Variants in SLC24A2 observed in about 807,000 individuals in gnomAD.
SLC24A2 encodes sodium/potassium/calcium exchanger 2.
A neutral mutation model predicts 62.0 loss-of-function variants in SLC24A2; 36 were observed. The ratio of observed to expected loss-of-function variants is 0.58; its 90% CI spans 0.44 to 0.77. The LOEUF (loss-of-function observed/expected upper bound fraction) is 0.77, where lower values mean the gene tolerates loss of function less well. Among genes scored for constraint, SLC24A2 ranks in the 30% least tolerant of loss-of-function variants. The pLI is 0.00. For missense variants in SLC24A2, 846 were observed against 817.9 expected, an observed-to-expected ratio of 1.03 and a Z score of -0.42; for synonymous variants, 358 against 294.0, an observed-to-expected ratio of 1.22 and a Z score of -2.23.
At chr9:20,245,412 G>A in the SLC24A2 span, among the ~76,000 whole-genome samples, 1 of 152,318 alleles carries the variant, frequency 6.6e-6, no homozygotes, top group Non-Finnish European at 1.5e-5. Context: ...AAAGAGAGGT[G>A]GAAGTCTATG....
chr9:19,761,400 G>A (rs1408916813), intron 2 of SLC24A2, among the ~76,000 whole-genome samples: 1 of 152,050 alleles, frequency 6.6e-6, no homozygotes, highest in African/African-American at 2.4e-5. Flanking sequence ...TTGCATTTCT[G>A]TAATGACCAG....
intron 2 of SLC24A2, among the ~76,000 whole-genome samples, chr9:19,658,815 A>G (rs1264042335): frequency 3.3e-5 from 5 of 152,122 alleles, no homozygotes; most frequent in Non-Finnish European, 5.9e-5. Context: ...TCTAGATGTA[A>G]AAGGCCAAGG....
the SLC24A2 span, among the ~76,000 whole-genome samples, chr9:19,829,264 A>G: frequency 6.6e-6 from 1 of 152,070 alleles, no homozygotes; most frequent in African/African-American, 2.4e-5. Context: ...TGCACTTGCA[A>G]TGGCCATATG....
chr9:20,029,812 GTGTGTGTGTGTC>G, the SLC24A2 span, among the ~76,000 whole-genome samples: 808 of 152,084 alleles, frequency 5.3e-3, 5 homozygotes, highest in African/African-American at 0.018. Context: ...ATATGGGTAA[GTGTGTGTGTGTC>G]TGTGTGTGTG....
intron 4 of SLC24A2, among the ~76,000 whole-genome samples, chr9:19,601,709 G>C (rs550013292): frequency 6.6e-6 from 1 of 152,128 alleles, no homozygotes; most frequent in East Asian, 1.9e-4. Flanking sequence ...CATGAGGGTT[G>C]CATATATAGT....
the SLC24A2 span, among the ~76,000 whole-genome samples, chr9:20,264,736 CT>C: frequency 6.6e-6 from 1 of 152,206 alleles, no homozygotes; most frequent in African/African-American, 2.4e-5. Flanking sequence ...ATTTGTTTCT[CT>C]TTTTCCTGAC....
chr9:19,650,519 T>C (rs1001459585), intron 2 of SLC24A2, among the ~76,000 whole-genome samples: 1 of 152,126 alleles, frequency 6.6e-6, no homozygotes, highest in African/African-American at 2.4e-5. Context: ...CCCACGCCCA[T>C]CAGCCTCCCA....
chr9:19,827,848 C>G, the SLC24A2 span, among the ~76,000 whole-genome samples: 26,945 of 152,098 alleles, frequency 0.18, 3,028 homozygotes, highest in Middle Eastern at 0.29. Flanking sequence ...CAAGAGGATG[C>G]TACCAACTCT....
the SLC24A2 span, among the ~76,000 whole-genome samples, chr9:20,113,736 C>G: frequency 0.016 from 2,419 of 152,122 alleles, 75 homozygotes; most frequent in African/African-American, 0.056. Flanking sequence ...TGCCTTTTGC[C>G]TATTTTCAAT....
In SLC24A2 at chr9:19,616,198, T is replaced by C. The variant is rs187700584; in HGVS notation, c.1078+3386A>G. Among the ~76,000 whole-genome samples the C allele has an allele frequency of 5.1e-4, 77 of 152,344 alleles. No homozygotes were observed. The East Asian group carries it at 0.013, about 25-fold the overall frequency. ...TTGGAATATTTTGAATTTTTAAAAA[T>C]CATATATTGTGTTACTTTTCAAAAT... is the stretch of plus-strand genomic sequence containing the variant. On this transcript the variant is annotated intron_variant, in intron 4 of 10. Coordinates refer to ENST00000341998, the MANE Select transcript of SLC24A2 (RefSeq NM_020344.4).
chr9:20,256,849 G>C, the SLC24A2 span, among the ~76,000 whole-genome samples: 1 of 151,780 alleles, frequency 6.6e-6, no homozygotes, highest in African/African-American at 2.4e-5. Flanking sequence ...TGCCCATTGA[G>C]CATGAAATAG....
intron 2 of SLC24A2, among the ~76,000 whole-genome samples, chr9:19,664,350 A>G (rs1011919753): frequency 3.3e-5 from 5 of 152,228 alleles, no homozygotes; most frequent in Admixed American, 3.3e-4. Flanking sequence ...TAAAGAAAAA[A>G]GTCTGGCTGT....
At chr9:20,129,381 T>G in the SLC24A2 span, among the ~76,000 whole-genome samples, 6 of 152,134 alleles carry the variant, frequency 3.9e-5, no homozygotes, top group African/African-American at 1.4e-4. Flanking sequence ...GAAAACTGTT[T>G]GATACATTAA....
intron 8 of SLC24A2, among the ~76,000 whole-genome samples, chr9:19,539,618 C>G (rs1441822196): frequency 1.4e-5 from 1 of 72,802 alleles, no homozygotes; most frequent in Non-Finnish European, 2.6e-5. Context: ...GAGAGCTTTA[C>G]TTCCAACTAT....
At position 19,526,013 on chromosome 9, in the gene SLC24A2, C is replaced by G. The variant is rs74896191; in HGVS notation, c.1569+2036G>C. On this transcript the variant is annotated intron_variant, in intron 9 of 10. Coordinates refer to ENST00000341998, the MANE Select transcript of SLC24A2 (RefSeq NM_020344.4). Reference sequence around the variant, plus strand: ...CAGTCACTCCCCATTTTCCCCCAACCTCTCCAATCCTAGGCAACTATTAAT... The same window carrying G: ...CAGTCACTCCCCATTTTCCCCCAACGTCTCCAATCCTAGGCAACTATTAAT... Among the ~76,000 whole-genome samples, 25 of 152,234 alleles carry G rather than the reference C, an allele frequency of 1.6e-4. No homozygotes were observed. In the East Asian group the frequency reaches 4.6e-3, roughly 28 times the overall value.
At chr9:19,579,958 A>G (rs1253945086) in intron 5 of SLC24A2, among the ~76,000 whole-genome samples, 1 of 152,238 alleles carries the variant, frequency 6.6e-6, no homozygotes, top group Non-Finnish European at 1.5e-5. Context: ...CTAGGAGAAC[A>G]GGGTAGGAGA....
the SLC24A2 span, among the ~76,000 whole-genome samples, chr9:20,063,664 G>T: frequency 6.6e-6 from 1 of 151,930 alleles, no homozygotes; most frequent in Non-Finnish European, 1.5e-5. Flanking sequence ...AAAAATAAAA[G>T]ACTTGTATCT....
At chr9:20,181,034 C>G in the SLC24A2 span, among the ~76,000 whole-genome samples, 1 of 151,988 alleles carries the variant, frequency 6.6e-6, no homozygotes, top group Non-Finnish European at 1.5e-5. Flanking sequence ...ATGTTCATGT[C>G]AAAAAGAAAT....
rs71335440 is a variant in SLC24A2, at chr9:19,642,671, C to CTTTT, written c.931-20376_931-20373dup. ...AGAATGGTTTATATGAGAGCGTATT[C>CTTTT]TTTTTTTTTTTTTTTTTTTTTTTTT... On this transcript the variant is annotated intron_variant, in intron 2 of 10. Coordinates refer to ENST00000341998, the MANE Select transcript of SLC24A2 (RefSeq NM_020344.4). 1.4e-4 allele frequency among the ~76,000 whole-genome samples: 11 copies of CTTTT among 79,850 alleles called. 5 individuals carry two copies. The highest frequency in any genetic ancestry group is 1.9e-4 in the African/African-American group (4 of 21,016). 52.4% of individuals were successfully genotyped at this position (79,850 alleles called of 152,430 possible).
Sources: gnomAD v4.1 joint callset for allele counts (sites outside exome capture counted in the v4.1 genomes callset) on GRCh38, gnomAD v4.1.1 for gene constraint, MANE v1.5 for transcripts, NCBI Gene and HGNC (gene_info 2026-07-23, HGNC 2026-07-21) for gene names.